The following ESRP1 variants were observed in gnomAD, a reference collection of about 807,000 sequenced individuals.
ESRP1 encodes the protein epithelial splicing regulatory protein 1, also known as RNA-binding motif protein 35A.
Under a neutral mutation model 81.7 loss-of-function variants are expected in ESRP1, and 33 were observed. That is an observed-to-expected ratio of 0.40 (90% CI 0.31 to 0.54). The LOEUF is 0.54. ESRP1 is among the 20% of genes least tolerant of loss of function. ESRP1 has a pLI of 0.41. For missense variants in ESRP1, 672 were observed against 833.1 expected, an observed-to-expected ratio of 0.81 and a Z score of 2.38; for synonymous variants, 320 against 303.3, an observed-to-expected ratio of 1.06 and a Z score of -0.57.
At chr8:94,689,856 G>A (rs1386844496) in intron 13 of ESRP1, among the ~76,000 whole-genome samples, 4 of 117,162 alleles carry the variant, frequency 3.4e-5, no homozygotes, top group East Asian at 2.2e-4. Flanking sequence ...TTGCTCTGTC[G>A]CCCAGGCTGG....
chr8:94,643,751 A>AAT (rs1817721713), intron 3 of ESRP1, among the ~76,000 whole-genome samples: 1 of 152,252 alleles, frequency 6.6e-6, no homozygotes, highest in East Asian at 1.9e-4. Flanking sequence ...GATGCATGAC[A>AAT]CTTCCCTTTT....
intron 13 of ESRP1, among the ~76,000 whole-genome samples, chr8:94,687,200 C>A (rs1237529303): frequency 6.6e-6 from 1 of 152,138 alleles, no homozygotes; most frequent in African/African-American, 2.4e-5. Flanking sequence ...ACTATCAATC[C>A]ATTTTCTATT....
intron 2 of ESRP1, among the ~76,000 whole-genome samples, chr8:94,642,391 C>T (rs963678162): frequency 6.6e-6 from 1 of 152,248 alleles, no homozygotes; most frequent in Non-Finnish European, 1.5e-5. Context: ...GAGTTTGAAT[C>T]CTAGCGCCCC....
chr8:94,689,593 T>G (rs1809292917), intron 13 of ESRP1, among the ~76,000 whole-genome samples: 1 of 152,034 alleles, frequency 6.6e-6, no homozygotes. Context: ...TTTTATAATG[T>G]AAATTATTTT....
chr8:94,672,514 G>T (rs1049239194), intron 11 of ESRP1, among the ~76,000 whole-genome samples: 1 of 152,040 alleles, frequency 6.6e-6, no homozygotes, highest in Non-Finnish European at 1.5e-5. Context: ...TAAGCCAGGT[G>T]GTTGTAGTTG....
At chr8:94,666,563 G>A (rs931265837) in intron 9 of ESRP1, among the ~76,000 whole-genome samples, 1 of 152,168 alleles carries the variant, frequency 6.6e-6, no homozygotes, top group African/African-American at 2.4e-5. Context: ...CTTTCACTGT[G>A]TAAAAGAACA....
At chr8:94,689,636 C>T (rs1042508794) in intron 13 of ESRP1, among the ~76,000 whole-genome samples, 17 of 151,628 alleles carry the variant, frequency 1.1e-4, no homozygotes, top group Non-Finnish European at 2.1e-4. Context: ...CCACAAAAGA[C>T]CTTAAGATTT....
chr8:94,681,336 A>AAAAAAC (rs1563539658), intron 13 of ESRP1, among the ~76,000 whole-genome samples: 8 of 139,786 alleles, frequency 5.7e-5, no homozygotes, highest in Non-Finnish European at 1.2e-4. Context: ...AAAAAAAAAA[A>AAAAAAC]AAAAAAAAAA....
Position 94,693,470 on chromosome 8 carries a change from C to T in ESRP1, c.1971+643C>T, listed in dbSNP as rs564702497. Among the ~76,000 whole-genome samples the T allele has an allele frequency of 1.5e-4, 23 of 152,316 alleles. No homozygotes were observed. In the South Asian group the frequency reaches 4.8e-3, roughly 32 times the overall value. The stretch of plus-strand genomic sequence containing the variant: ...AATGAGATGATTTTTAGTAAGAGTT[C>T]TTTAACAGTGAACATTGCCATTCCA... On this transcript the variant is annotated intron_variant, in intron 14 of 15. Coordinates refer to ENST00000433389, the MANE Select transcript of ESRP1 (RefSeq NM_017697.4).
chr8:94,653,010 G>A (rs936857349), intron 4 of ESRP1, among the ~76,000 whole-genome samples: 2 of 152,016 alleles, frequency 1.3e-5, no homozygotes, highest in African/African-American at 4.8e-5. Flanking sequence ...TGTTTCCTCG[G>A]CACATATCAA....
At chr8:94,704,062 C>T (rs1459864943) in intron 15 of ESRP1, among the ~76,000 whole-genome samples, 1 of 152,064 alleles carries the variant, frequency 6.6e-6, no homozygotes, top group Non-Finnish European at 1.5e-5. Context: ...GCATCCTAAC[C>T]AATATTTCCA....
chr8:94,704,779 A>C (rs1384959565), intron 15 of ESRP1, among the ~76,000 whole-genome samples: 1 of 150,806 alleles, frequency 6.6e-6, no homozygotes, highest in Admixed American at 6.6e-5. Flanking sequence ...AAAAAAAAAA[A>C]AAAAAAAAAA....
At chr8:94,678,491 GCCTCT>G in intron 13 of ESRP1, 120 bp downstream of exon 13, 1 of 1,168,934 alleles carries the variant, frequency 8.6e-7, no homozygotes, top group Non-Finnish European at 1.2e-6. Flanking sequence ...GCAGGCCACA[GCCTCT>G]GGTCATATCT....
intron 15 of ESRP1, chr8:94,705,650 GTT>G (rs1215307011): frequency 3.0e-6 from 1 of 338,798 alleles, no homozygotes; most frequent in African/African-American, 2.1e-5. Context: ...AACCATACAT[GTT>G]AAACTAAACA....
At chr8:94,643,278 C>T in intron 2 of ESRP1, 25 bp from the exon 3 acceptor site, 2 of 1,466,580 alleles carry the variant, frequency 1.4e-6, no homozygotes, top group Non-Finnish European at 1.9e-6. Context: ...TCAGTTGCAT[C>T]CCTATGTGTA....
chr8:94,670,481 G>A (rs1219201335), intron 10 of ESRP1, among the ~76,000 whole-genome samples: 2 of 152,104 alleles, frequency 1.3e-5, no homozygotes, highest in Non-Finnish European at 2.9e-5. Flanking sequence ...AACTGAGCAG[G>A]GTGTGAGTGG....
At chr8:94,655,847 C>G (rs946378705) in intron 4 of ESRP1, 1 of 152,146 alleles carries the variant, frequency 6.6e-6, no homozygotes, top group African/African-American at 2.4e-5. Flanking sequence ...GCCGAGATCA[C>G]GCCACTTCAC....
At chr8:94,667,823 G>T (rs963112994) in intron 9 of ESRP1, 126 bp from the exon 10 acceptor site, 16 of 654,898 alleles carry the variant, frequency 2.4e-5, no homozygotes, top group Non-Finnish European at 3.6e-5. Context: ...GTTATTTTGC[G>T]TTCAGTAGGA....
At chr8:94,696,712 T>G (rs888617401) in intron 14 of ESRP1, 140 bp from the exon 15 acceptor site, 2 of 573,694 alleles carry the variant, frequency 3.5e-6, no homozygotes. Context: ...TTAGTAGATA[T>G]GTATATGGCT....
Sources: gnomAD v4.1 joint callset for allele counts (sites outside exome capture counted in the v4.1 genomes callset) on GRCh38, gnomAD v4.1.1 for gene constraint, MANE v1.5 for transcripts, NCBI Gene and HGNC (gene_info 2026-07-23, HGNC 2026-07-21) for gene names.